INPP4B: variants seen among roughly 807,000 people sequenced by gnomAD.
The protein encoded by INPP4B is inositol polyphosphate 4-phosphatase type II.
In INPP4B, 55 loss-of-function variants were observed where a neutral mutation model predicts 122.5. The ratio of observed to expected loss-of-function variants is 0.45; its 90% CI spans 0.36 to 0.56. The LOEUF is 0.56. INPP4B is among the 20% of genes least tolerant of loss of function. The probability of loss-of-function intolerance (pLI) is 0.00; values close to 1 mark genes in which losing one functional copy is unlikely to be tolerated. For synonymous variants in INPP4B, 403 were observed against 388.7 expected, an observed-to-expected ratio of 1.04 and a Z score of -0.43; for missense variants, 1,000 against 1,097.7, an observed-to-expected ratio of 0.91 and a Z score of 1.26.
At chr4:142,599,899 T>C (rs1739523912) in intron 2 of INPP4B, among the ~76,000 whole-genome samples, 2 of 151,678 alleles carry the variant, frequency 1.3e-5, no homozygotes. Context: ...GTACACTCAA[T>C]GATAGACTAG....
At chr4:142,596,748 A>T (rs1010274556) in intron 2 of INPP4B, among the ~76,000 whole-genome samples, 2 of 152,188 alleles carry the variant, frequency 1.3e-5, no homozygotes, top group Non-Finnish European at 2.9e-5. Context: ...AAACCACCAC[A>T]ATCCTTAGCA....
intron 9 of INPP4B, among the ~76,000 whole-genome samples, chr4:142,300,048 T>C (rs1004565350): frequency 6.6e-6 from 1 of 152,080 alleles, no homozygotes; most frequent in African/African-American, 2.4e-5. Context: ...GAATAGAAAA[T>C]CAAAAGTCTA....
At chr4:142,166,846 C>T (rs1822995862) in intron 16 of INPP4B, among the ~76,000 whole-genome samples, 1 of 151,858 alleles carries the variant, frequency 6.6e-6, no homozygotes, top group Non-Finnish European at 1.5e-5. Flanking sequence ...GAGATACTGT[C>T]TCATGCCAGT....
chr4:142,787,675 T>A (rs548235782), intron 1 of INPP4B, among the ~76,000 whole-genome samples: 2 of 152,022 alleles, frequency 1.3e-5, no homozygotes, highest in East Asian at 3.9e-4. Flanking sequence ...CAAATTTATA[T>A]CCAAATTCTG....
chr4:142,555,882 A>G (rs1729056500), intron 2 of INPP4B, among the ~76,000 whole-genome samples: 1 of 151,690 alleles, frequency 6.6e-6, no homozygotes, highest in African/African-American at 2.4e-5. Context: ...AAAAAAAAAA[A>G]AAAAATTAAA....
chr4:142,300,317 C>T (rs921330946), intron 9 of INPP4B, among the ~76,000 whole-genome samples: 1 of 152,162 alleles, frequency 6.6e-6, no homozygotes, highest in South Asian at 2.1e-4. Flanking sequence ...CTTATCGCTG[C>T]TTCTGGCTCT....
intron 1 of INPP4B, among the ~76,000 whole-genome samples, chr4:142,818,376 T>G (rs974776374): frequency 6.6e-6 from 1 of 152,150 alleles, no homozygotes. Context: ...AAAATTTCCA[T>G]GGGTTTTTCT....
intron 2 of INPP4B, among the ~76,000 whole-genome samples, chr4:142,572,074 CAGT>C (rs1732957870): frequency 6.6e-6 from 1 of 152,096 alleles, no homozygotes; most frequent in Non-Finnish European, 1.5e-5. Context: ...CTTGGATTGT[CAGT>C]AGTAGGTCTC....
intron 3 of INPP4B, among the ~76,000 whole-genome samples, chr4:142,451,890 G>A (rs892011174): frequency 6.6e-6 from 1 of 152,140 alleles, no homozygotes; most frequent in Non-Finnish European, 1.5e-5. Context: ...GTATATGAAG[G>A]GAAGGGGGTG....
chr4:142,480,799 G>T (rs762218479), intron 2 of INPP4B, among the ~76,000 whole-genome samples: 3 of 152,068 alleles, frequency 2.0e-5, no homozygotes, highest in African/African-American at 7.2e-5. Context: ...GGCACTTCAG[G>T]GAAGCTAGAC....
At chr4:142,685,140 T>C (rs764811631) in intron 2 of INPP4B, among the ~76,000 whole-genome samples, 33 of 152,094 alleles carry the variant, frequency 2.2e-4, no homozygotes, top group Non-Finnish European at 4.6e-4. Flanking sequence ...ATGCTGCAGC[T>C]TCAGATATGC....
chr4:142,217,287 G>A (rs1380767545), intron 12 of INPP4B, among the ~76,000 whole-genome samples: 1 of 152,174 alleles, frequency 6.6e-6, no homozygotes, highest in Non-Finnish European at 1.5e-5. Context: ...CCAACATGGG[G>A]CAAATGTGCT....
At chr4:142,776,784 G>T (rs1773983565) in intron 1 of INPP4B, among the ~76,000 whole-genome samples, 1 of 152,020 alleles carries the variant, frequency 6.6e-6, no homozygotes, top group Non-Finnish European at 1.5e-5. Flanking sequence ...AAATTTCAGA[G>T]CCTAGAGACC....
chr4:142,442,186 G>A (rs896521613), intron 3 of INPP4B, among the ~76,000 whole-genome samples: 2 of 152,046 alleles, frequency 1.3e-5, no homozygotes, highest in African/African-American at 4.8e-5. Context: ...GCTGAGGTGG[G>A]TGGATCATGA....
chr4:142,765,421 C>T (rs1771965664), intron 1 of INPP4B, among the ~76,000 whole-genome samples: 2 of 152,144 alleles, frequency 1.3e-5, no homozygotes, highest in Admixed American at 1.3e-4. Flanking sequence ...CCAAAACACT[C>T]TTTCCAAATA....
chr4:142,638,098 A>C (rs1250325877), intron 2 of INPP4B, among the ~76,000 whole-genome samples: 1 of 152,210 alleles, frequency 6.6e-6, no homozygotes, highest in African/African-American at 2.4e-5. Flanking sequence ...TTAGATAACA[A>C]TCTTTCATCA....
chr4:142,424,564 T>G (rs1480134573), intron 5 of INPP4B, among the ~76,000 whole-genome samples: 1 of 152,126 alleles, frequency 6.6e-6, no homozygotes, highest in Non-Finnish European at 1.5e-5. Context: ...GGCCATATTG[T>G]GCATATTATC....
intron 1 of INPP4B, among the ~76,000 whole-genome samples, chr4:142,797,638 T>A (rs1301457611): frequency 6.6e-6 from 1 of 151,860 alleles, no homozygotes; most frequent in Non-Finnish European, 1.5e-5. Flanking sequence ...AAAGGGAATA[T>A]CCTAAGTGCT....
chr4:142,679,029 T>C (rs1758209285), intron 2 of INPP4B, among the ~76,000 whole-genome samples: 1 of 151,902 alleles, frequency 6.6e-6, no homozygotes, highest in South Asian at 2.1e-4. Context: ...TCCTTACTAA[T>C]AAAAACAGAT....
Sources: allele counts gnomAD v4.1 joint callset (sites outside exome capture counted in the v4.1 genomes callset), GRCh38; gene constraint gnomAD v4.1.1; transcripts MANE v1.5; gene names NCBI Gene and HGNC (gene_info 2026-07-23, HGNC 2026-07-21).